FBXL17: variants seen among roughly 807,000 people sequenced by gnomAD.
The protein encoded by FBXL17 is F-box and leucine rich repeat protein 17.
Under a neutral mutation model 66.2 loss-of-function variants are expected in FBXL17, and 22 were observed. The observed-to-expected ratio is 0.33, with a 90% CI of 0.24 to 0.47. The LOEUF (loss-of-function observed/expected upper bound fraction) is 0.47. Among genes scored for constraint, FBXL17 ranks in the 20% least tolerant of loss-of-function variants. FBXL17 has a pLI of 1.00. For missense variants in FBXL17, 878 were observed against 948.2 expected (o/e 0.93, Z 0.97); for synonymous variants, 474 against 400.5 (o/e 1.18, Z -2.19).
At chr5:108,274,966 T>C (rs945702156) in intron 4 of FBXL17, among the ~76,000 whole-genome samples, 1 of 152,200 alleles carries the variant, frequency 6.6e-6, no homozygotes, top group African/African-American at 2.4e-5. Context: ...GCAGAGAGGT[T>C]AACTACTCAG....
intron 4 of FBXL17, among the ~76,000 whole-genome samples, chr5:108,255,984 G>A (rs916441864): frequency 1.3e-5 from 2 of 152,094 alleles, no homozygotes; most frequent in African/African-American, 4.8e-5. Context: ...CTAGAATAAA[G>A]CCAATTCTGC....
chr5:107,986,803 C>A (rs1488154710), intron 7 of FBXL17, among the ~76,000 whole-genome samples: 3 of 151,752 alleles, frequency 2.0e-5, no homozygotes, highest in African/African-American at 7.3e-5. Context: ...TTTTGAAAAC[C>A]ATTAGTCACT....
chr5:108,155,048 A>T (rs1751941242), intron 6 of FBXL17, among the ~76,000 whole-genome samples: 1 of 152,152 alleles, frequency 6.6e-6, no homozygotes, highest in Admixed American at 6.6e-5. Flanking sequence ...ATTCATGATA[A>T]GCTGATCAAA....
At chr5:108,116,210 T>G (rs1750241179) in intron 6 of FBXL17, among the ~76,000 whole-genome samples, 1 of 152,158 alleles carries the variant, frequency 6.6e-6, no homozygotes, top group African/African-American at 2.4e-5. Context: ...TACGTAAAAT[T>G]ACTAAAGAAT....
intron 4 of FBXL17, among the ~76,000 whole-genome samples, chr5:108,333,402 T>C (rs1760228002): frequency 1.3e-5 from 2 of 152,042 alleles, no homozygotes; most frequent in Admixed American, 1.3e-4. Flanking sequence ...AAAATCACTT[T>C]TAAAATGCTA....
intron 4 of FBXL17, among the ~76,000 whole-genome samples, chr5:108,271,702 A>G (rs1021876389): frequency 1.5e-4 from 23 of 152,226 alleles, no homozygotes; most frequent in African/African-American, 5.3e-4. Flanking sequence ...AGATTTCTCT[A>G]TGTATCTATT....
Position 107,881,163 on chromosome 5 carries a change from C to A in FBXL17, c.1839G>T (p.Gly613=), listed in dbSNP as rs1405378987. The change falls in exon 8 of 9, where the codon GGG becomes GGT. Residue 613 remains glycine (G), a synonymous_variant. Transcript: ENST00000542267. ...CAGTCTCTATTGTCATGCTGTATCG[C>A]CCAATGGCTATCAGTGCTGCAAGAA... ...KITDYALIAI[G]RYSMTIETVD... is the part of the protein sequence containing the mutation. 3.1e-6 allele frequency: 5 copies of A among 1,608,392 alleles called. No individual in the cohort carries two copies. Among genetic ancestry groups the A allele is most frequent in the Non-Finnish European group, 3.4e-6 (4 of 1,176,408 alleles).
At chr5:108,019,665 ACT>A (rs147557393) in intron 7 of FBXL17, among the ~76,000 whole-genome samples, 11 of 148,744 alleles carry the variant, frequency 7.4e-5, no homozygotes, top group Non-Finnish European at 9.0e-5. Context: ...ACACACACAC[ACT>A]CTCTCTCTCT....
At position 108,082,214 on chromosome 5, in the gene FBXL17, T is replaced by C. The variant is rs568190715; in HGVS notation, c.1746-61213A>G. On this transcript the variant is annotated intron_variant, in intron 6 of 8. Coordinates refer to ENST00000542267, the MANE Select transcript of FBXL17 (RefSeq NM_001163315.3). Reference sequence around the variant, plus strand: ...TACAGAGGATTTATTAAATCCCCTCTGGTAAAAAAAAAAAAATGCTAATGC... The same window carrying C: ...TACAGAGGATTTATTAAATCCCCTCCGGTAAAAAAAAAAAAATGCTAATGC... Among the ~76,000 whole-genome samples, 380 of 146,090 alleles carry C rather than the reference T, an allele frequency of 2.6e-3. 1 individual carries two copies. Among genetic ancestry groups the C allele is most frequent in the African/African-American group, 9.2e-3 (365 of 39,632 alleles).
At chr5:107,865,472 T>C (rs1561509903) in intron 8 of FBXL17, among the ~76,000 whole-genome samples, 1 of 152,188 alleles carries the variant, frequency 6.6e-6, no homozygotes, top group Non-Finnish European at 1.5e-5. Flanking sequence ...AAAATGCAAT[T>C]TACCTATTTT....
At chr5:108,223,014 T>C (rs1030425048) in intron 5 of FBXL17, among the ~76,000 whole-genome samples, 1 of 152,124 alleles carries the variant, frequency 6.6e-6, no homozygotes, top group African/African-American at 2.4e-5. Flanking sequence ...TTACTTAGCA[T>C]TTACTGTGGT....
chr5:108,258,041 T>C (rs949135630), intron 4 of FBXL17, among the ~76,000 whole-genome samples: 8 of 152,130 alleles, frequency 5.3e-5, no homozygotes, highest in Admixed American at 4.6e-4. Flanking sequence ...TTATGATACA[T>C]AGAGCATACT....
At chr5:108,378,614 A>T (rs1015866923) in intron 1 of FBXL17, among the ~76,000 whole-genome samples, 1 of 152,184 alleles carries the variant, frequency 6.6e-6, no homozygotes, top group East Asian at 1.9e-4. Flanking sequence ...TCACCACCAC[A>T]TGGCTCTACC....
chr5:108,301,873 A>G (rs1248197094), intron 4 of FBXL17: 7 of 222,468 alleles, frequency 3.1e-5, no homozygotes, highest in Non-Finnish European at 5.3e-5. Flanking sequence ...AATGCCTATT[A>G]TGATTTTTAA....
At chr5:108,138,926 C>T (rs1751247681) in intron 6 of FBXL17, among the ~76,000 whole-genome samples, 1 of 152,162 alleles carries the variant, frequency 6.6e-6, no homozygotes, top group South Asian at 2.1e-4. Context: ...CACATAAGAA[C>T]TAAACTTGGG....
intron 3 of FBXL17, among the ~76,000 whole-genome samples, chr5:108,363,981 AAAAC>A (rs1205139294): frequency 2.6e-5 from 4 of 152,044 alleles, no homozygotes; most frequent in Admixed American, 6.6e-5. Flanking sequence ...GAAAAATATT[AAAAC>A]AAATAAGACT....
At chr5:107,938,991 T>G (rs1164087247) in intron 7 of FBXL17, among the ~76,000 whole-genome samples, 1 of 152,134 alleles carries the variant, frequency 6.6e-6, no homozygotes, top group Non-Finnish European at 1.5e-5. Flanking sequence ...AATATCAAGA[T>G]AGAATATTAT....
In FBXL17 at chr5:108,232,404, T is replaced by C. The variant is rs1011858241; in HGVS notation, c.1507-8176A>G. On this transcript the variant is annotated intron_variant, in intron 4 of 8. Transcript: ENST00000542267. ...GGGTTCAAGTTGGCAAGGGGTGGACTTGTGATGATTAATACTGTCAACTTG... is the reference window on the plus strand; with the variant it reads ...GGGTTCAAGTTGGCAAGGGGTGGACCTGTGATGATTAATACTGTCAACTTG... 1.1e-4 allele frequency among the ~76,000 whole-genome samples: 17 copies of C among 152,122 alleles called. 1 individual carries two copies. The highest frequency in any genetic ancestry group is 7.2e-4 in the Admixed American group (11 of 15,266).
chr5:108,311,423 C>T (rs1016482937), intron 4 of FBXL17, among the ~76,000 whole-genome samples: 3 of 152,104 alleles, frequency 2.0e-5, no homozygotes, highest in Non-Finnish European at 4.4e-5. Context: ...CCACCCACCT[C>T]GGCCTCCCAA....
Sources: allele counts gnomAD v4.1 joint callset (sites outside exome capture counted in the v4.1 genomes callset), GRCh38; gene constraint gnomAD v4.1.1; transcripts MANE v1.5; gene names NCBI Gene and HGNC (gene_info 2026-07-23, HGNC 2026-07-21).